Variants in KAZN observed in about 807,000 individuals in gnomAD.
KAZN encodes kazrin, periplakin interacting protein.
In KAZN, 40 loss-of-function variants were observed where a neutral mutation model predicts 87.4. That is an observed-to-expected ratio of 0.46 (90% CI 0.36 to 0.60). The LOEUF is 0.60. Ranked by LOEUF, KAZN falls within the 20% of genes least tolerant of loss-of-function variation. KAZN has a pLI of 0.00. For synonymous variants in KAZN, 466 were observed against 458.3 expected, an observed-to-expected ratio of 1.02 and a Z score of -0.22; for missense variants, 898 against 1,073.9, an observed-to-expected ratio of 0.84 and a Z score of 2.29.
At chr1:14,702,466 C>A (rs1357853404) in intron 1 of KAZN, among the ~76,000 whole-genome samples, 1 of 151,926 alleles carries the variant, frequency 6.6e-6, no homozygotes, top group Non-Finnish European at 1.5e-5. Context: ...GTGCCAAGAT[C>A]CCCTCCACCA....
intron 2 of KAZN, among the ~76,000 whole-genome samples, chr1:14,999,871 G>T (rs895414390): frequency 2.0e-5 from 3 of 152,170 alleles, no homozygotes; most frequent in East Asian, 1.9e-4. Context: ...TGTCCGGCTT[G>T]ACTTCTTCCC....
chr1:14,695,095 A>T (rs780981494), intron 1 of KAZN, among the ~76,000 whole-genome samples: 4 of 152,180 alleles, frequency 2.6e-5, no homozygotes, highest in African/African-American at 9.7e-5. Flanking sequence ...TTAGACAGGG[A>T]GGCTTTCAGG....
chr1:14,312,139 G>C (rs927170011), intron 2 of KAZN, among the ~76,000 whole-genome samples: 2 of 114,118 alleles, frequency 1.8e-5, no homozygotes, highest in Admixed American at 7.7e-5. Flanking sequence ...GGGAAGCAGA[G>C]AATACAGGAA....
intron 2 of KAZN, among the ~76,000 whole-genome samples, chr1:14,976,918 G>C (rs142702837): frequency 6.6e-6 from 1 of 152,118 alleles, no homozygotes; most frequent in African/African-American, 2.4e-5. Flanking sequence ...AGCCAGGTGT[G>C]GTGGTGGGCG....
chr1:14,668,357 G>A (rs1639707170), intron 1 of KAZN, among the ~76,000 whole-genome samples: 4 of 152,142 alleles, frequency 2.6e-5, no homozygotes, highest in African/African-American at 9.7e-5. Context: ...CTTTGTCCCA[G>A]CTTTCCAGTC....
intron 2 of KAZN, among the ~76,000 whole-genome samples, chr1:14,396,898 G>T (rs965647078): frequency 1.2e-5 from 1 of 84,088 alleles, no homozygotes; most frequent in African/African-American, 4.9e-5. Context: ...TCTGCTCTAT[G>T]AGTTTTTTTT....
chr1:14,980,307 A>G (rs1169107787), intron 2 of KAZN, among the ~76,000 whole-genome samples: 1 of 152,200 alleles, frequency 6.6e-6, no homozygotes, highest in Non-Finnish European at 1.5e-5. Flanking sequence ...GGCTCTATTA[A>G]AAGTTGTGTT....
chr1:14,649,917 G>C (rs375634928), intron 1 of KAZN, among the ~76,000 whole-genome samples: 8 of 152,082 alleles, frequency 5.3e-5, no homozygotes, highest in African/African-American at 1.4e-4. Flanking sequence ...AAAGGTTAGG[G>C]AGACACCATT....
At chr1:14,416,416 G>C (rs1371936538) in intron 2 of KAZN, among the ~76,000 whole-genome samples, 1 of 152,140 alleles carries the variant, frequency 6.6e-6, no homozygotes, top group Non-Finnish European at 1.5e-5. Context: ...GTAAATTAGA[G>C]AACATTTGCC....
At chr1:14,195,202 A>G (rs1646502214) in intron 2 of KAZN, among the ~76,000 whole-genome samples, 1 of 152,098 alleles carries the variant, frequency 6.6e-6, no homozygotes, top group Admixed American at 6.6e-5. Flanking sequence ...ATTCACTGAT[A>G]AGGCTGTTCC....
chr1:14,929,086 T>C (rs190155851), intron 1 of KAZN, among the ~76,000 whole-genome samples: 129 of 152,332 alleles, frequency 8.5e-4, no homozygotes, highest in African/African-American at 3.0e-3. Context: ...AAATGGAAAT[T>C]GTATTACCCA....
chr1:14,575,471 G>A (rs1054405617), intron 2 of KAZN, among the ~76,000 whole-genome samples: 8 of 152,074 alleles, frequency 5.3e-5, no homozygotes, highest in Non-Finnish European at 7.4e-5. Flanking sequence ...CAGTATGGGG[G>A]AAACCATCCC....
chr1:15,020,779 C>A (rs75193284), intron 2 of KAZN, among the ~76,000 whole-genome samples: 2,298 of 152,236 alleles, frequency 0.015, 53 homozygotes, highest in African/African-American at 0.052. Context: ...CAGACATATA[C>A]CCAGGTAGGA....
At chr1:14,517,220 A>G (rs1428292558) in intron 2 of KAZN, among the ~76,000 whole-genome samples, 1 of 152,156 alleles carries the variant, frequency 6.6e-6, no homozygotes, top group East Asian at 1.9e-4. Context: ...GTGTTAGGAA[A>G]CAGAGTTCTC....
chr1:14,864,330 C>T (rs1651205548), intron 1 of KAZN, among the ~76,000 whole-genome samples: 1 of 152,190 alleles, frequency 6.6e-6, no homozygotes, highest in Non-Finnish European at 1.5e-5. Context: ...TTTGGGAGGC[C>T]AAGGCGGGCG....
At chr1:14,306,827 C>T (rs1654963610) in intron 2 of KAZN, among the ~76,000 whole-genome samples, 1 of 152,164 alleles carries the variant, frequency 6.6e-6, no homozygotes, top group Non-Finnish European at 1.5e-5. Flanking sequence ...GCTCTACCTA[C>T]AGAGACGCCT....
chr1:15,004,248 C>T (rs564343244), intron 2 of KAZN, among the ~76,000 whole-genome samples: 1 of 152,178 alleles, frequency 6.6e-6, no homozygotes, highest in Non-Finnish European at 1.5e-5. Flanking sequence ...TCCCCTGTCA[C>T]AGTTAGTTGG....
At chr1:14,482,475 T>G (rs890275754) in intron 2 of KAZN, among the ~76,000 whole-genome samples, 1 of 152,212 alleles carries the variant, frequency 6.6e-6, no homozygotes, top group East Asian at 1.9e-4. Flanking sequence ...GACCAGTTAC[T>G]TACCTTCTCT....
intron 1 of KAZN, among the ~76,000 whole-genome samples, chr1:13,929,047 CTTTTT>C (rs33984927): frequency 0.11 from 11,447 of 101,532 alleles, 709 homozygotes; most frequent in South Asian, 0.27. Context: ...AGCTTCAAGG[CTTTTT>C]TTTTTTTTTT....
Sources: gnomAD v4.1 joint callset for allele counts (sites outside exome capture counted in the v4.1 genomes callset) on GRCh38, gnomAD v4.1.1 for gene constraint, MANE v1.5 for transcripts, NCBI Gene and HGNC (gene_info 2026-07-23, HGNC 2026-07-21) for gene names.